The following CDK14 variants were observed in gnomAD, a reference collection of about 807,000 sequenced individuals.
The protein encoded by CDK14 is cyclin dependent kinase 14, also known as cyclin-dependent kinase 14.
A neutral mutation model predicts 60.7 loss-of-function variants in CDK14; 34 were observed. That is an observed-to-expected ratio of 0.56 (90% CI 0.43 to 0.75). The LOEUF is 0.75. CDK14 is among the 30% of genes least tolerant of loss of function. The pLI, the probability that CDK14 is intolerant of heterozygous loss-of-function variation, is 0.00. For synonymous variants in CDK14, 197 were observed against 203.7 expected, an observed-to-expected ratio of 0.97 and a Z score of 0.28; for missense variants, 482 against 564.1, an observed-to-expected ratio of 0.85 and a Z score of 1.47.
At chr7:91,049,380 G>C (rs895509056) in intron 11 of CDK14, among the ~76,000 whole-genome samples, 1 of 152,124 alleles carries the variant, frequency 6.6e-6, no homozygotes, top group Admixed American at 6.6e-5. Flanking sequence ...TAGAATAGTG[G>C]AGTTATGATT....
chr7:91,091,419 T>C (rs1215294369), intron 12 of CDK14, among the ~76,000 whole-genome samples: 1 of 143,206 alleles, frequency 7.0e-6, no homozygotes, highest in Non-Finnish European at 1.5e-5. Flanking sequence ...TATATACATA[T>C]ATACATATAT....
intron 10 of CDK14, among the ~76,000 whole-genome samples, chr7:90,992,415 G>T (rs575143892): frequency 4.7e-4 from 72 of 152,164 alleles, no homozygotes; most frequent in Non-Finnish European, 8.7e-4. Context: ...TATTTATTAC[G>T]TGCTTACTCT....
intron 5 of CDK14, among the ~76,000 whole-genome samples, chr7:90,860,399 G>A (rs560257399): frequency 1.1e-4 from 16 of 151,752 alleles, no homozygotes; most frequent in Non-Finnish European, 1.5e-4. Flanking sequence ...TCCAAAAGGC[G>A]GAAAACTAAG....
intron 14 of CDK14, among the ~76,000 whole-genome samples, chr7:91,142,626 T>A (rs1800503041): frequency 6.6e-6 from 1 of 152,232 alleles, no homozygotes; most frequent in African/African-American, 2.4e-5. Context: ...AATAATTGTA[T>A]GGCATTTAAT....
At chr7:91,144,045 C>T (rs803173) in intron 14 of CDK14, among the ~76,000 whole-genome samples, 62,919 of 151,876 alleles carry the variant, frequency 0.41, 13,787 homozygotes, top group East Asian at 0.87. Flanking sequence ...GCCTGTGCAG[C>T]TATTTAGTTG....
chr7:91,122,691 A>G (rs1475852753), intron 14 of CDK14, among the ~76,000 whole-genome samples: 1 of 152,046 alleles, frequency 6.6e-6, no homozygotes, highest in Non-Finnish European at 1.5e-5. Context: ...CTGCTTATTC[A>G]TGGATTCTGC....
intron 4 of CDK14, among the ~76,000 whole-genome samples, chr7:90,762,813 C>G (rs1804374505): frequency 2.6e-5 from 4 of 152,056 alleles, no homozygotes; most frequent in Admixed American, 2.6e-4. Context: ...GGGGGAAACC[C>G]TGTCTCTAAC....
chr7:90,684,936 A>C (rs570626359), intron 2 of CDK14, among the ~76,000 whole-genome samples: 2 of 151,494 alleles, frequency 1.3e-5, no homozygotes, highest in East Asian at 3.9e-4. Context: ...ATATATAGTG[A>C]ATATTTTTCT....
chr7:91,154,723 T>G (rs963416296), intron 14 of CDK14, among the ~76,000 whole-genome samples: 1 of 152,188 alleles, frequency 6.6e-6, no homozygotes, highest in Non-Finnish European at 1.5e-5. Flanking sequence ...AGAGCACTGC[T>G]TGGCACATTC....
At chr7:90,684,713 A>G (rs889219179) in intron 2 of CDK14, among the ~76,000 whole-genome samples, 11 of 152,162 alleles carry the variant, frequency 7.2e-5, no homozygotes, top group Admixed American at 7.2e-4. Context: ...AGGCATATCA[A>G]AGAATTTGGG....
intron 2 of CDK14, among the ~76,000 whole-genome samples, chr7:90,607,385 T>A (rs1799441534): frequency 6.6e-6 from 1 of 152,208 alleles, no homozygotes; most frequent in Admixed American, 6.5e-5. Flanking sequence ...GGCTCCTTAT[T>A]TCAAGGAGTG....
rs752490759 is a variant in CDK14 at position 91,112,704 on chromosome 7, A to G, written c.1294+23A>G. On this transcript the variant is annotated intron_variant, in intron 13 of 14. Coordinates refer to ENST00000380050, the MANE Select transcript of CDK14 (RefSeq NM_001287135.2). ...ACAGTGAGTATGACAAATCCACAAC[A>G]TCCAGTCCAAGCAGACACATCATTT... 26 of 1,611,042 alleles carry G rather than the reference A, an allele frequency of 1.6e-5. No individual in the cohort carries two copies. In the African/African-American group the frequency reaches 3.2e-4, roughly 20 times the overall value.
intron 2 of CDK14, among the ~76,000 whole-genome samples, chr7:90,713,050 G>A (rs890631925): frequency 6.6e-6 from 1 of 152,054 alleles, no homozygotes; most frequent in Non-Finnish European, 1.5e-5. Flanking sequence ...AAAACCCCAA[G>A]TATCCTCTGA....
intron 2 of CDK14, among the ~76,000 whole-genome samples, chr7:90,633,678 C>T (rs1228088171): frequency 6.6e-6 from 1 of 152,186 alleles, no homozygotes; most frequent in African/African-American, 2.4e-5. Flanking sequence ...ATTCATATGT[C>T]ATAATGACAG....
intron 4 of CDK14, among the ~76,000 whole-genome samples, chr7:90,755,533 G>A (rs1035974863): frequency 5.9e-5 from 9 of 152,048 alleles, no homozygotes; most frequent in Non-Finnish European, 1.3e-4. Context: ...CTGCATGACA[G>A]GATCATTCAT....
intron 9 of CDK14, among the ~76,000 whole-genome samples, chr7:90,981,575 C>A (rs530380107): frequency 7.9e-5 from 12 of 152,214 alleles, no homozygotes; most frequent in African/African-American, 2.9e-4. Flanking sequence ...GTGATAACAA[C>A]TGGAGTAGCT....
At chr7:90,675,921 T>G (rs921648280) in intron 2 of CDK14, among the ~76,000 whole-genome samples, 2 of 152,288 alleles carry the variant, frequency 1.3e-5, no homozygotes, top group Admixed American at 6.5e-5. Context: ...AGAAGAAAAC[T>G]ATTATAGAAG....
chr7:90,858,342 G>A (rs757957911), intron 5 of CDK14, among the ~76,000 whole-genome samples: 2 of 152,182 alleles, frequency 1.3e-5, no homozygotes, highest in East Asian at 1.9e-4. Context: ...CAATTTAGGT[G>A]TAAGTGGTAA....
chr7:90,697,115 T>C (rs1037542966), intron 2 of CDK14, among the ~76,000 whole-genome samples: 1 of 152,112 alleles, frequency 6.6e-6, no homozygotes, highest in Non-Finnish European at 1.5e-5. Flanking sequence ...ACTCCTCTTT[T>C]TGAGGAATTT....
Sources: allele counts gnomAD v4.1 joint callset (sites outside exome capture counted in the v4.1 genomes callset), GRCh38; gene constraint gnomAD v4.1.1; transcripts MANE v1.5; gene names NCBI Gene and HGNC (gene_info 2026-07-23, HGNC 2026-07-21).